The following SLC24A2 variants were observed in gnomAD, a reference collection of about 807,000 sequenced individuals.
SLC24A2 encodes sodium/potassium/calcium exchanger 2.
Under a neutral mutation model 62.0 loss-of-function variants are expected in SLC24A2, and 36 were observed. That is an observed-to-expected ratio of 0.58 (90% CI 0.44 to 0.77). SLC24A2 has a LOEUF of 0.77. SLC24A2 is among the 30% of genes least tolerant of loss of function. SLC24A2 has a pLI of 0.00. For synonymous variants in SLC24A2, 358 were observed against 294.0 expected (o/e 1.22, Z -2.23); for missense variants, 846 against 817.9 (o/e 1.03, Z -0.42).
At chr9:19,708,265 C>A (rs905697054) in intron 2 of SLC24A2, among the ~76,000 whole-genome samples, 1 of 152,106 alleles carries the variant, frequency 6.6e-6, no homozygotes, top group African/African-American at 2.4e-5. Flanking sequence ...AGGATACAAA[C>A]AAATGGAAGA....
intron 2 of SLC24A2, among the ~76,000 whole-genome samples, chr9:19,673,707 C>T (rs148698210): frequency 1.1e-3 from 173 of 152,316 alleles, no homozygotes; most frequent in African/African-American, 3.9e-3. Context: ...GCTTTGGCCT[C>T]CCAAAATGCT....
chr9:20,302,574 G>A, the SLC24A2 span, among the ~76,000 whole-genome samples: 1 of 152,094 alleles, frequency 6.6e-6, no homozygotes, highest in Non-Finnish European at 1.5e-5. Context: ...TTCTAATCAG[G>A]TTATTTTCAT....
chr9:19,977,908 T>C, the SLC24A2 span, among the ~76,000 whole-genome samples: 1 of 152,104 alleles, frequency 6.6e-6, no homozygotes. Context: ...GAAAAGACCA[T>C]GTTCCTGGGA....
the SLC24A2 span, among the ~76,000 whole-genome samples, chr9:19,814,485 C>A: frequency 6.6e-6 from 1 of 152,122 alleles, no homozygotes; most frequent in Non-Finnish European, 1.5e-5. Context: ...TGTTCAGATC[C>A]ATGCTTACCA....
chr9:19,537,110 T>G (rs1039153679), intron 8 of SLC24A2, among the ~76,000 whole-genome samples: 1 of 151,588 alleles, frequency 6.6e-6, no homozygotes, highest in Non-Finnish European at 1.5e-5. Context: ...TAGCCCTTTG[T>G]GAGATGAGTA....
chr9:20,091,350 C>G, the SLC24A2 span, among the ~76,000 whole-genome samples: 1 of 152,068 alleles, frequency 6.6e-6, no homozygotes, highest in Non-Finnish European at 1.5e-5. Context: ...TCAGGAAATA[C>G]AGGGAACCCC....
chr9:20,063,934 G>C, the SLC24A2 span, among the ~76,000 whole-genome samples: 1 of 152,236 alleles, frequency 6.6e-6, no homozygotes, highest in East Asian at 1.9e-4. Context: ...TTCTTAAAAA[G>C]TTACACGTAA....
At chr9:19,811,121 G>C in the SLC24A2 span, among the ~76,000 whole-genome samples, 2 of 152,090 alleles carry the variant, frequency 1.3e-5, no homozygotes, top group Admixed American at 1.3e-4. Flanking sequence ...GGACATGAGG[G>C]GGAACCCTCA....
the SLC24A2 span, among the ~76,000 whole-genome samples, chr9:20,269,872 T>C: frequency 6.6e-6 from 1 of 152,194 alleles, no homozygotes; most frequent in Non-Finnish European, 1.5e-5. Context: ...CTGTTTTGTG[T>C]TGCTATAACA....
the SLC24A2 span, among the ~76,000 whole-genome samples, chr9:19,864,652 ATC>A: frequency 6.7e-3 from 1,027 of 152,154 alleles, 15 homozygotes; most frequent in African/African-American, 0.024. Context: ...TCATGATAAA[ATC>A]TCTCAAAAAA....
At chr9:20,275,237 C>T in the SLC24A2 span, among the ~76,000 whole-genome samples, 4 of 152,030 alleles carry the variant, frequency 2.6e-5, no homozygotes, top group Admixed American at 2.6e-4. Flanking sequence ...AGAAGACCTG[C>T]AGAGAAAAGA....
At chr9:19,946,656 C>G in the SLC24A2 span, among the ~76,000 whole-genome samples, 4 of 152,342 alleles carry the variant, frequency 2.6e-5, no homozygotes, top group East Asian at 7.7e-4. Context: ...CCTGCCTATA[C>G]CAGCAGATGC....
At chr9:20,251,578 G>T in the SLC24A2 span, among the ~76,000 whole-genome samples, 17 of 152,292 alleles carry the variant, frequency 1.1e-4, no homozygotes, top group South Asian at 2.1e-3. Flanking sequence ...CAAAGAGAAA[G>T]CGTTAATAAG....
chr9:20,084,972 G>A, the SLC24A2 span, among the ~76,000 whole-genome samples: 1 of 152,154 alleles, frequency 6.6e-6, no homozygotes, highest in African/African-American at 2.4e-5. Flanking sequence ...GCAAAAGACA[G>A]GGCAAGTCTC....
the SLC24A2 span, among the ~76,000 whole-genome samples, chr9:19,860,872 G>A: frequency 1.3e-5 from 2 of 152,200 alleles, no homozygotes; most frequent in Non-Finnish European, 2.9e-5. Flanking sequence ...GGAAAGGGGA[G>A]AGAAGAGTGG....
At chr9:20,014,322 G>C in the SLC24A2 span, among the ~76,000 whole-genome samples, 2 of 152,002 alleles carry the variant, frequency 1.3e-5, no homozygotes, top group East Asian at 3.9e-4. Context: ...AGTGTAGACA[G>C]TCCTCAAAAG....
chr9:19,576,838 G>T, intron 6 of SLC24A2, 86 bp downstream of exon 6: 2 of 963,352 alleles, frequency 2.1e-6, no homozygotes, highest in Non-Finnish European at 3.4e-6. Flanking sequence ...TCTGCACTGA[G>T]TCAGGGGTGC....
intron 7 of SLC24A2, among the ~76,000 whole-genome samples, chr9:19,564,397 A>ATAAG (rs1281766223): frequency 6.6e-6 from 1 of 152,248 alleles, no homozygotes; most frequent in African/African-American, 2.4e-5. Flanking sequence ...GTATGGAGAA[A>ATAAG]TAAGTCAGAG....
chr9:19,653,858 C>T (rs936521455), intron 2 of SLC24A2, among the ~76,000 whole-genome samples: 1 of 152,142 alleles, frequency 6.6e-6, no homozygotes, highest in African/African-American at 2.4e-5. Context: ...AAGTTGCAGC[C>T]TCAGAGCCAA....
Sources: allele counts gnomAD v4.1 joint callset (sites outside exome capture counted in the v4.1 genomes callset), GRCh38; gene constraint gnomAD v4.1.1; transcripts MANE v1.5; gene names NCBI Gene and HGNC (gene_info 2026-07-23, HGNC 2026-07-21).